The following TSHZ2 variants were observed in gnomAD, a reference collection of about 807,000 sequenced individuals.
TSHZ2 encodes the protein teashirt zinc finger homeobox 2.
Under a neutral mutation model 74.4 loss-of-function variants are expected in TSHZ2, and 21 were observed. The observed-to-expected ratio is 0.28, with a 90% CI of 0.20 to 0.41. The LOEUF (loss-of-function observed/expected upper bound fraction) is 0.41, where lower values mean the gene tolerates loss of function less well. Among genes scored for constraint, TSHZ2 ranks in the 10% least tolerant of loss-of-function variants. TSHZ2 has a pLI of 1.00. For synonymous variants in TSHZ2, 540 were observed against 515.3 expected (o/e 1.05, Z -0.65); for missense variants, 1,244 against 1,293.5 (o/e 0.96, Z 0.59).
chr20:53,389,464 T>A (rs1488032439), intron 2 of TSHZ2, among the ~76,000 whole-genome samples: 2 of 152,196 alleles, frequency 1.3e-5, no homozygotes, highest in African/African-American at 4.8e-5. Flanking sequence ...ATGGAAGACT[T>A]CATTGAGGTG....
At chr20:53,234,100 T>C (rs993679147) in intron 1 of TSHZ2, among the ~76,000 whole-genome samples, 4 of 152,190 alleles carry the variant, frequency 2.6e-5, no homozygotes, top group African/African-American at 9.6e-5. Context: ...TCTGTATTTC[T>C]ACCCTTAAAT....
intron 1 of TSHZ2, among the ~76,000 whole-genome samples, chr20:53,177,022 A>G (rs1271223873): frequency 6.6e-6 from 1 of 151,890 alleles, no homozygotes; most frequent in South Asian, 2.1e-4. Context: ...TTTTGTTATT[A>G]TTGTAGAAAT....
chr20:53,359,870 G>A (rs1481901436), intron 2 of TSHZ2, among the ~76,000 whole-genome samples: 3 of 152,304 alleles, frequency 2.0e-5, no homozygotes, highest in East Asian at 1.9e-4. Context: ...ACAAAACCAG[G>A]ATTCAACCCT....
At chr20:53,380,204 G>A (rs1457240673) in intron 2 of TSHZ2, among the ~76,000 whole-genome samples, 1 of 151,942 alleles carries the variant, frequency 6.6e-6, no homozygotes, top group Non-Finnish European at 1.5e-5. Flanking sequence ...TTAAAACTGT[G>A]GTAAATTCTT....
rs1345222146 is a variant in TSHZ2, at chr20:53,074,212, G to A, written c.40+100879G>A. On this transcript the variant is annotated intron_variant, in intron 1 of 2. Coordinates refer to ENST00000371497, the MANE Select transcript of TSHZ2 (RefSeq NM_173485.6). The surrounding 1 kb of genome is among the most constrained non-coding windows in gnomAD (Gnocchi z 5.9). Reference sequence around the variant, plus strand: ...TGACCACTCCCTTGTGAAGTTAGAGGATTCTTCCTTTGAGTAAGAAGTTAA... The same window carrying A: ...TGACCACTCCCTTGTGAAGTTAGAGAATTCTTCCTTTGAGTAAGAAGTTAA... 6.6e-6 allele frequency among the ~76,000 whole-genome samples: 1 copy of A among 152,182 alleles called. No homozygotes were observed. Among genetic ancestry groups the A allele is most frequent in the Non-Finnish European group, 1.5e-5 (1 of 68,048 alleles).
At chr20:53,486,088 CTCTT>C (rs1161435272) in intron 2 of TSHZ2, among the ~76,000 whole-genome samples, 3 of 152,098 alleles carry the variant, frequency 2.0e-5, no homozygotes, top group African/African-American at 4.8e-5. Flanking sequence ...ACCATCATTC[CTCTT>C]TCTGTTTCTA....
At chr20:53,001,224 G>GTGTGTGTGTGTGTATA (rs1982415519) in intron 1 of TSHZ2, among the ~76,000 whole-genome samples, 3 of 147,740 alleles carry the variant, frequency 2.0e-5, no homozygotes, top group African/African-American at 7.6e-5. Context: ...GTGTGTGTGT[G>GTGTGTGTGTGTGTATA]TGTGTGTGTG....
Position 53,230,883 on chromosome 20 carries a change from C to CA in TSHZ2, c.41-22606dup, listed in dbSNP as rs958998655. On this transcript the variant is annotated intron_variant, in intron 1 of 2. Transcript: ENST00000371497. Reference sequence around the variant, plus strand: ...CTCCAGCCCAGGTGAGACTCCATCTCAAAAAAAAAAGAAAAAAGAAAAAAT... The same window carrying CA: ...CTCCAGCCCAGGTGAGACTCCATCTCAAAAAAAAAAAGAAAAAAGAAAAAAT... Among the ~76,000 whole-genome samples, 442 of 140,192 alleles carry CA rather than the reference C, an allele frequency of 3.2e-3. 1 individual carries two copies. Among genetic ancestry groups the CA allele is most frequent in the African/African-American group, 9.4e-3 (360 of 38,106 alleles). 92.0% of individuals were successfully genotyped at this position (140,192 alleles called of 152,430 possible).
At chr20:53,061,041 T>G (rs1277360473) in intron 1 of TSHZ2, among the ~76,000 whole-genome samples, 8 of 152,226 alleles carry the variant, frequency 5.3e-5, no homozygotes, top group African/African-American at 1.9e-4. Flanking sequence ...TACCGGTAGG[T>G]ACAAGATCTT....
intron 1 of TSHZ2, among the ~76,000 whole-genome samples, chr20:53,003,896 CTT>C (rs1229314009): frequency 6.9e-6 from 1 of 145,268 alleles, no homozygotes; most frequent in Admixed American, 6.9e-5. Flanking sequence ...TTTTCTTTTT[CTT>C]TTTTTTTTTA....
intron 2 of TSHZ2, among the ~76,000 whole-genome samples, chr20:53,443,491 A>T (rs528999162): frequency 6.6e-6 from 1 of 152,218 alleles, no homozygotes; most frequent in African/African-American, 2.4e-5. Flanking sequence ...AGAGATGTCC[A>T]TGCAAAGGGC....
intron 2 of TSHZ2, among the ~76,000 whole-genome samples, chr20:53,435,660 C>T (rs930574463): frequency 2.6e-5 from 4 of 152,102 alleles, no homozygotes; most frequent in East Asian, 1.9e-4. Flanking sequence ...ATTACAGGCG[C>T]GTGTCACCAC....
At chr20:53,272,727 C>G (rs566031593) in intron 2 of TSHZ2, among the ~76,000 whole-genome samples, 1 of 152,332 alleles carries the variant, frequency 6.6e-6, no homozygotes, top group South Asian at 2.1e-4. Context: ...AGGACTAACA[C>G]TCTGCCAGGA....
At chr20:53,194,602 C>T (rs930607580) in intron 1 of TSHZ2, among the ~76,000 whole-genome samples, 3 of 152,158 alleles carry the variant, frequency 2.0e-5, no homozygotes, top group African/African-American at 7.2e-5. Context: ...GTTTCAGGGT[C>T]GCTGTCCAAG....
At chr20:53,084,837 G>C (rs556924261) in intron 1 of TSHZ2, among the ~76,000 whole-genome samples, 2 of 151,678 alleles carry the variant, frequency 1.3e-5, no homozygotes, top group Non-Finnish European at 2.9e-5. Flanking sequence ...AAAAACCAAG[G>C]CTTGAACTAA....
At chr20:53,145,729 T>C (rs1218331099) in intron 1 of TSHZ2, among the ~76,000 whole-genome samples, 1 of 152,204 alleles carries the variant, frequency 6.6e-6, no homozygotes, top group Non-Finnish European at 1.5e-5. Context: ...CAGCTTGCCC[T>C]GTATGGGAAC....
intron 1 of TSHZ2, among the ~76,000 whole-genome samples, chr20:53,249,623 C>T (rs542684830): frequency 1.7e-3 from 261 of 152,188 alleles, no homozygotes; most frequent in African/African-American, 5.6e-3. Flanking sequence ...AAGAACTTTT[C>T]GGTCAGAAAA....
chr20:53,037,750 G>A (rs1360959850), intron 1 of TSHZ2, among the ~76,000 whole-genome samples: 3 of 152,136 alleles, frequency 2.0e-5, no homozygotes, highest in South Asian at 4.1e-4. Context: ...TGTGAGCACC[G>A]GGAGACTTGT....
chr20:53,127,018 T>TA (rs201808287), intron 1 of TSHZ2, among the ~76,000 whole-genome samples: 92 of 147,300 alleles, frequency 6.2e-4, no homozygotes, highest in South Asian at 1.1e-3. Flanking sequence ...AGGAAAAAGG[T>TA]AAAAAAAAAG....
Sources: allele counts gnomAD v4.1 joint callset (sites outside exome capture counted in the v4.1 genomes callset), GRCh38; gene constraint gnomAD v4.1.1; non-coding constraint Gnocchi (gnomAD v3.1); transcripts MANE v1.5; gene names NCBI Gene and HGNC (gene_info 2026-07-23, HGNC 2026-07-21).